ARB2A: variants seen among roughly 807,000 people sequenced by gnomAD.
ARB2A encodes the protein cotranscriptional regulator ARB2A.
the ARB2A span, among the ~76,000 whole-genome samples, chr5:94,085,295 A>G: frequency 1.3e-5 from 2 of 152,232 alleles, no homozygotes; most frequent in Admixed American, 6.5e-5. Context: ...AACAATAAAT[A>G]TTTGTAAAAT....
the ARB2A span, among the ~76,000 whole-genome samples, chr5:93,621,530 G>A: frequency 7.9e-5 from 12 of 152,248 alleles, no homozygotes; most frequent in Non-Finnish European, 1.3e-4. Context: ...GCCAATGGAA[G>A]CGCTGGGCGG....
At chr5:94,074,749 C>T in the ARB2A span, 2 of 1,609,040 alleles carry the variant, frequency 1.2e-6, no homozygotes, top group Non-Finnish European at 8.5e-7. Flanking sequence ...AGGAAATAGA[C>T]ATCAATCTTC....
the ARB2A span, chr5:93,737,434 C>G: frequency 6.6e-6 from 1 of 152,060 alleles, no homozygotes; most frequent in South Asian, 2.1e-4. Flanking sequence ...AAAAACTGAT[C>G]CTAAAATTCC....
the ARB2A span, among the ~76,000 whole-genome samples, chr5:93,968,145 C>T: frequency 6.6e-6 from 1 of 152,076 alleles, no homozygotes; most frequent in Non-Finnish European, 1.5e-5. Flanking sequence ...TATATGATAT[C>T]AGGCTTTCAA....
At chr5:93,952,437 T>C in the ARB2A span, among the ~76,000 whole-genome samples, 2 of 152,216 alleles carry the variant, frequency 1.3e-5, no homozygotes, top group Non-Finnish European at 2.9e-5. Flanking sequence ...TCCCCAGATA[T>C]AGTATTCTAG....
At chr5:93,925,666 G>C in the ARB2A span, among the ~76,000 whole-genome samples, 1 of 152,242 alleles carries the variant, frequency 6.6e-6, no homozygotes, top group Non-Finnish European at 1.5e-5. Context: ...GTCGATGACA[G>C]GTAACTGAAA....
chr5:93,829,958 T>C, the ARB2A span, among the ~76,000 whole-genome samples: 1 of 152,184 alleles, frequency 6.6e-6, no homozygotes, highest in Non-Finnish European at 1.5e-5. Flanking sequence ...TTATAGTTAT[T>C]ATTTAAACTA....
At chr5:93,875,471 A>G in the ARB2A span, among the ~76,000 whole-genome samples, 2 of 152,200 alleles carry the variant, frequency 1.3e-5, no homozygotes, top group East Asian at 3.9e-4. Flanking sequence ...ACCTCAGGCA[A>G]TCTGCCCATT....
At chr5:94,064,229 A>G in the ARB2A span, among the ~76,000 whole-genome samples, 13,858 of 152,230 alleles carry the variant, frequency 0.091, 791 homozygotes, top group Middle Eastern at 0.16. Context: ...AAAAGCTTCA[A>G]TAACAGGCTA....
the ARB2A span, among the ~76,000 whole-genome samples, chr5:94,061,823 G>A: frequency 6.6e-6 from 1 of 152,122 alleles, no homozygotes; most frequent in Non-Finnish European, 1.5e-5. Flanking sequence ...TCAGGTGAAT[G>A]GATTAGAAGA....
At chr5:93,741,353 C>T in the ARB2A span, 7 of 1,610,932 alleles carry the variant, frequency 4.3e-6, no homozygotes, top group Non-Finnish European at 5.9e-6. Flanking sequence ...CCCCGGAATT[C>T]GTGTGGCAGG....
the ARB2A span, among the ~76,000 whole-genome samples, chr5:93,838,707 C>T: frequency 6.6e-6 from 1 of 152,092 alleles, no homozygotes; most frequent in African/African-American, 2.4e-5. Context: ...TTTGAGTCAT[C>T]TTTGATTTCT....
chr5:94,106,885 A>C, the ARB2A span, among the ~76,000 whole-genome samples: 2 of 150,856 alleles, frequency 1.3e-5, no homozygotes, highest in South Asian at 2.1e-4. Flanking sequence ...AAAAAAAAAA[A>C]AAAAAAACAA....
chr5:93,742,079 T>C, the ARB2A span, among the ~76,000 whole-genome samples: 1 of 152,150 alleles, frequency 6.6e-6, no homozygotes, highest in African/African-American at 2.4e-5. Context: ...CCCCAGTCCC[T>C]GTGCCCTAAG....
At chr5:93,963,400 A>G in the ARB2A span, among the ~76,000 whole-genome samples, 1 of 152,024 alleles carries the variant, frequency 6.6e-6, no homozygotes, top group Non-Finnish European at 1.5e-5. Context: ...AAGCACTTGG[A>G]CCAGTGTCCA....
chr5:93,631,522 A>C, the ARB2A span, among the ~76,000 whole-genome samples: 1 of 152,216 alleles, frequency 6.6e-6, no homozygotes, highest in Non-Finnish European at 1.5e-5. Context: ...AAAGGATTTT[A>C]AGTTAGCACA....
the ARB2A span, among the ~76,000 whole-genome samples, chr5:93,640,632 G>GTA: frequency 8.7e-3 from 1,308 of 150,062 alleles, 28 homozygotes; most frequent in African/African-American, 0.031. Context: ...ACATATGTGT[G>GTA]TGTATATATA....
At chr5:93,928,980 C>A in the ARB2A span, among the ~76,000 whole-genome samples, 1 of 151,296 alleles carries the variant, frequency 6.6e-6, no homozygotes. Context: ...CAACTGGTAA[C>A]TGTTAAAGTC....
At chr5:94,018,166 A>C in the ARB2A span, among the ~76,000 whole-genome samples, 1 of 152,214 alleles carries the variant, frequency 6.6e-6, no homozygotes, top group Non-Finnish European at 1.5e-5. Flanking sequence ...ATATAGATGG[A>C]AACTAACAGT....
Sources: allele counts gnomAD v4.1 joint callset (sites outside exome capture counted in the v4.1 genomes callset), GRCh38; gene constraint gnomAD v4.1.1; transcripts MANE v1.5; gene names NCBI Gene and HGNC (gene_info 2026-07-23, HGNC 2026-07-21).